WSCD1: variants seen among roughly 807,000 people sequenced by gnomAD.
The protein encoded by WSCD1 is WSC domain sialate O sulfotransferase 1.
WSCD1 carries 41 observed loss-of-function variants against 60.4 expected under a neutral mutation model. The observed-to-expected ratio is 0.68, with a 90% CI of 0.53 to 0.88. WSCD1 has a LOEUF of 0.88. Ranked by LOEUF, WSCD1 falls within the 40% of genes least tolerant of loss-of-function variation. The probability of loss-of-function intolerance (pLI) is 0.00; values close to 1 mark genes in which losing one functional copy is unlikely to be tolerated. For missense variants in WSCD1, 784 were observed against 796.2 expected (o/e 0.98, Z 0.18); for synonymous variants, 361 against 332.5 (o/e 1.09, Z -0.93).
At position 6,120,533 on chromosome 17, in the gene WSCD1, C is replaced by T. The variant is rs749910733; in HGVS notation, c.1600C>T (p.Arg534Cys). The T allele has an allele frequency of 7.4e-6, 12 of 1,613,746 alleles. No homozygotes were observed. The highest frequency in any genetic ancestry group is 1.3e-5 in the African/African-American group (1 of 75,066). Reference protein sequence around the residue: ...KEGSFRRRGRRSHDPEPFTPE... With the variant: ...KEGSFRRRGRCSHDPEPFTPE... ...GGGCAGCTTCCGGCGGCGCGGCCGG[C>T]GCTCCCACGACCCTGAGCCCTTCAC... The change falls in exon 9 of 9, where the codon CGC becomes TGC. Residue 534 changes from arginine to cysteine, a missense_variant. Physicochemically the swap from Arg to Cys is radical, Grantham distance 180. Coordinates refer to ENST00000317744, the MANE Select transcript of WSCD1 (RefSeq NM_015253.2).
chr17:6,108,082 GT>G (rs890183507), intron 5 of WSCD1, among the ~76,000 whole-genome samples: 22 of 152,118 alleles, frequency 1.4e-4, no homozygotes, highest in Non-Finnish European at 2.9e-5. Context: ...CAGCCTGACA[GT>G]GGGGGGCAAC....
chr17:6,088,994 G>A (rs1909844857), intron 3 of WSCD1, among the ~76,000 whole-genome samples: 1 of 152,096 alleles, frequency 6.6e-6, no homozygotes, highest in African/African-American at 2.4e-5. Context: ...GTGTTAGCCA[G>A]GATGGTCTCA....
intron 1 of WSCD1, among the ~76,000 whole-genome samples, chr17:6,073,684 G>A (rs532355819): frequency 3.3e-5 from 5 of 152,208 alleles, no homozygotes; most frequent in East Asian, 3.8e-4. Flanking sequence ...AAAAGGTTGC[G>A]ACTGGCTGTT....
At chr17:6,090,552 G>C (rs371125619) in intron 4 of WSCD1, 47 bp downstream of exon 4, 2 of 1,591,290 alleles carry the variant, frequency 1.3e-6, no homozygotes, top group South Asian at 1.1e-5. Flanking sequence ...TGTCCCACCC[G>C]CTCTGGCTGC....
chr17:6,119,221 AGAGTG>A (rs1215705569), intron 8 of WSCD1, among the ~76,000 whole-genome samples: 11 of 152,202 alleles, frequency 7.2e-5, no homozygotes, highest in Non-Finnish European at 1.6e-4. Context: ...CCCAACATCC[AGAGTG>A]TCTGATTCTG....
At chr17:6,099,397 C>T (rs1289825395) in intron 5 of WSCD1, among the ~76,000 whole-genome samples, 1 of 151,896 alleles carries the variant, frequency 6.6e-6, no homozygotes, top group African/African-American at 2.4e-5. Flanking sequence ...TGCCTGTAGG[C>T]CTAGCTACTC....
At position 6,080,651 on chromosome 17, in the gene WSCD1, C is replaced by T; in HGVS notation, c.-8C>T. ...GGGCTCCAGCCAGGAGCCCTGCTGC[C>T]CAGGGGCATGGCCAAACCTTTCTTC... On this transcript the variant is annotated 5_prime_UTR_variant, in exon 2 of 9. Coordinates refer to ENST00000317744, the MANE Select transcript of WSCD1 (RefSeq NM_015253.2). The surrounding 1 kb of genome is among the most constrained non-coding windows in gnomAD (Gnocchi z 6.6). 1 of 1,613,380 alleles carries T rather than the reference C, an allele frequency of 6.2e-7. No individual in the cohort carries two copies. The highest frequency in any genetic ancestry group is 8.5e-7 in the Non-Finnish European group (1 of 1,179,852).
chr17:6,073,561 C>T (rs1036513440), intron 1 of WSCD1, among the ~76,000 whole-genome samples: 2 of 152,156 alleles, frequency 1.3e-5, no homozygotes, highest in Non-Finnish European at 2.9e-5. Flanking sequence ...ACCCAGGAGG[C>T]GGAGGTTGCG....
intron 1 of WSCD1, among the ~76,000 whole-genome samples, chr17:6,071,447 T>C (rs938704162): frequency 6.6e-6 from 1 of 152,170 alleles, no homozygotes; most frequent in African/African-American, 2.4e-5. Context: ...ATATAGGAGT[T>C]CTAGCCTCAT....
At chr17:6,104,528 A>G (rs1310389827) in intron 5 of WSCD1, among the ~76,000 whole-genome samples, 1 of 152,162 alleles carries the variant, frequency 6.6e-6, no homozygotes, top group East Asian at 1.9e-4. Flanking sequence ...ACAAGGCCCC[A>G]TTCTCAGTTA....
At chr17:6,093,251 A>G (rs1346769451) in intron 4 of WSCD1, among the ~76,000 whole-genome samples, 2 of 152,230 alleles carry the variant, frequency 1.3e-5, no homozygotes, top group Non-Finnish European at 2.9e-5. Flanking sequence ...TTAGCGGCTC[A>G]TGGACCACTC....
chr17:6,085,252 A>G (rs1333137157), intron 2 of WSCD1, among the ~76,000 whole-genome samples: 1 of 152,244 alleles, frequency 6.6e-6, no homozygotes, highest in African/African-American at 2.4e-5. Flanking sequence ...ATCTTCAAAC[A>G]GCCTTATGAT....
rs758432528 is a variant in WSCD1, at chr17:6,081,130, C to T, written c.427+45C>T. 98 of 1,494,604 alleles carry T rather than the reference C, an allele frequency of 6.6e-5. No homozygotes were observed. The Middle Eastern group carries it at 2.1e-3, about 32-fold the overall frequency. 92.6% of individuals were successfully genotyped at this position (1,494,604 alleles called of 1,614,324 possible). ...TGGGGGAGCTGTTCCCAGGACCCCC[C>T]ATTCAGGGTCACAGGTTTGGTGTCC... On this transcript the variant is annotated intron_variant, in intron 2 of 8. Coordinates refer to ENST00000317744, the MANE Select transcript of WSCD1 (RefSeq NM_015253.2).
Position 6,110,686 on chromosome 17 carries a change from C to T in WSCD1, c.1010-85C>T. On this transcript the variant is annotated intron_variant, in intron 6 of 8. Transcript: ENST00000317744. This position sits in a 1 kb window ranked among gnomAD's most constrained non-coding sequence, Gnocchi z 4.8. The stretch of plus-strand genomic sequence containing the variant: ...CATCTATTAAATGGGAGTCTTCGTT[C>T]ATCAGTTCCTCTAAGGGAGTTTAGT... 1 of 1,486,254 alleles carries T rather than the reference C, an allele frequency of 6.7e-7. No individual in the cohort carries two copies. The allele number at this position is 1,486,254 out of a possible 1,614,324, so 92.1% of individuals were successfully genotyped here.
intron 1 of WSCD1, 106 bp downstream of exon 1, chr17:6,070,758 C>T (rs566251841): frequency 4.0e-4 from 61 of 150,806 alleles, no homozygotes; most frequent in Admixed American, 7.2e-4. Flanking sequence ...GTTGGGAGCG[C>T]GGCGGGGCTG....
chr17:6,089,848 G>A (rs143586992), intron 3 of WSCD1, among the ~76,000 whole-genome samples: 211 of 152,298 alleles, frequency 1.4e-3, no homozygotes, highest in African/African-American at 4.1e-3. Flanking sequence ...GGTTCCATTC[G>A]TTTATCACAA....
At chr17:6,112,479 A>G (rs558777608) in intron 7 of WSCD1, among the ~76,000 whole-genome samples, 1 of 152,302 alleles carries the variant, frequency 6.6e-6, no homozygotes, top group South Asian at 2.1e-4. Flanking sequence ...AAAAGAAACA[A>G]AGGGCATCCA....
rs1416992734 is a variant in WSCD1, at chr17:6,079,523, T to C, written c.-288-848T>C. 2.6e-5 allele frequency among the ~76,000 whole-genome samples: 4 copies of C among 152,328 alleles called. No individual in the cohort carries two copies. The East Asian group carries it at 5.8e-4, about 22-fold the overall frequency. On this transcript the variant is annotated intron_variant, in intron 1 of 8. Transcript: ENST00000317744. ...AGATCAGAGAGCCTTCTGCCTTCTC[T>C]TCTCTGGGTGCTCAGCCTCTGTTTG... is the stretch of plus-strand genomic sequence containing the variant.
upstream of WSCD1, chr17:6,069,412 T>TGG (rs1908379120): frequency 3.1e-6 from 1 of 324,622 alleles, no homozygotes; most frequent in African/African-American, 3.2e-5. Context: ...TGTGTGTGTG[T>TGG]GTGTGTGTGT....
Sources: gnomAD v4.1 joint callset for allele counts (sites outside exome capture counted in the v4.1 genomes callset) on GRCh38, gnomAD v4.1.1 for gene constraint, Gnocchi (gnomAD v3.1) non-coding constraint, MANE v1.5 for transcripts, NCBI Gene and HGNC (gene_info 2026-07-23, HGNC 2026-07-21) for gene names.